The following COX18 variants were observed in gnomAD, a reference collection of about 807,000 sequenced individuals.
COX18 encodes the protein cytochrome c oxidase assembly factor COX18.
Under a neutral mutation model 38.0 loss-of-function variants are expected in COX18, and 45 were observed. The ratio of observed to expected loss-of-function variants is 1.18; its 90% confidence interval spans 0.93 to 1.52. The LOEUF (loss-of-function observed/expected upper bound fraction) is 1.52, where lower values mean the gene tolerates loss of function less well. COX18 is among the 40% of genes most tolerant of loss of function. The pLI is 0.00. For missense variants in COX18, 462 were observed against 423.8 expected (o/e 1.09, Z -0.79); for synonymous variants, 177 against 169.8 (o/e 1.04, Z -0.33).
intron 4 of COX18, among the ~76,000 whole-genome samples, chr4:73,063,048 T>C (rs376836054): frequency 6.6e-6 from 1 of 152,122 alleles, no homozygotes; most frequent in Non-Finnish European, 1.5e-5. Flanking sequence ...CTCACACCTG[T>C]AATTCCAGCA....
At chr4:73,058,694 C>A (rs2110046433) in intron 5 of COX18, among the ~76,000 whole-genome samples, 1 of 152,268 alleles carries the variant, frequency 6.6e-6, no homozygotes, top group Admixed American at 6.5e-5. Flanking sequence ...CTAATTTTCC[C>A]CATACAGTCA....
chr4:73,069,192 C>T (rs1720622602), intron 1 of COX18, 125 bp downstream of exon 1: 4 of 697,256 alleles, frequency 5.7e-6, no homozygotes, highest in Middle Eastern at 4.0e-4. Context: ...GAAATGGTCA[C>T]GATGATTAAA....
intron 1 of COX18, 101 bp downstream of exon 1, chr4:73,069,216 A>G: frequency 1.2e-6 from 1 of 855,670 alleles, no homozygotes; most frequent in Non-Finnish European, 1.8e-6. Flanking sequence ...TAAGCACTGC[A>G]GAAGGCAACA....
At chr4:73,067,985 TGTG>T in intron 2 of COX18, 41 bp downstream of exon 2, 1 of 1,030,978 alleles carries the variant, frequency 9.7e-7, no homozygotes. Context: ...TGTGTGTGTG[TGTG>T]TATGTGTGCG....
intron 2 of COX18, 34 bp downstream of exon 2, chr4:73,067,995 T>A: frequency 1.6e-6 from 2 of 1,244,934 alleles, no homozygotes; most frequent in Non-Finnish European, 2.4e-6. Context: ...TGTGTATGTG[T>A]GCGTATGGTC....
rs1209578345 is a variant in COX18, at chr4:73,052,729, T to G, written c.*5385A>C. ...TGCATTGTTTTACACCATATTTACA[T>G]GAAGATTTAGCTTTAATACAGAAAT... On this transcript the variant is annotated 3_prime_UTR_variant, in exon 6 of 6. Transcript: ENST00000507544. 6.6e-6 allele frequency: 1 copy of G among 152,226 alleles called. No individual in the cohort carries two copies. The highest frequency in any genetic ancestry group is 1.5e-5 in the Non-Finnish European group (1 of 68,048). The allele number at this position is 152,226 out of a possible 1,614,324, so 9.4% of individuals were successfully genotyped here. A position where few individuals can be genotyped will look rare whatever the true frequency, so the allele number is the denominator to read the frequency against.
rs1261051038 is a variant in COX18 at position 73,057,176 on chromosome 4, C to T, written c.*938G>A. On this transcript the variant is annotated 3_prime_UTR_variant, in exon 6 of 6. Transcript: ENST00000507544. The stretch of plus-strand genomic sequence containing the variant: ...GTGAGGTGGCTCATGCCTGTAATCC[C>T]AGCACTATGGGAGGCCAAGGAGGGT... The T allele has an allele frequency of 1.3e-5, 2 of 151,098 alleles. No homozygotes were observed. Among genetic ancestry groups the T allele is most frequent in the Non-Finnish European group, 2.9e-5 (2 of 67,936 alleles). The allele number at this position is 151,098 out of a possible 1,614,324, so 9.4% of individuals were successfully genotyped here.
Position 73,058,053 on chromosome 4 carries a change from G to C in COX18, c.*61C>G. ...AATCAAGTAACATCTGAATTTCTAA[G>C]TCTAAATACATTTAGATGATAGTGA... On this transcript the variant is annotated 3_prime_UTR_variant, in exon 6 of 6. Coordinates refer to ENST00000507544, the MANE Select transcript of COX18 (RefSeq NM_001297732.2). 2 of 1,087,508 alleles carry C rather than the reference G, an allele frequency of 1.8e-6. No homozygotes were observed. The highest frequency in any genetic ancestry group is 3.0e-5 in the South Asian group (2 of 65,672). 67.4% of individuals were successfully genotyped at this position (1,087,508 alleles called of 1,614,324 possible). A position where few individuals can be genotyped will look rare whatever the true frequency, so the allele number is the denominator to read the frequency against.
intron 5 of COX18, among the ~76,000 whole-genome samples, chr4:73,058,796 T>C (rs1720015743): frequency 6.6e-6 from 1 of 152,194 alleles, no homozygotes; most frequent in Admixed American, 6.5e-5. Flanking sequence ...AGCCTCAGCA[T>C]TATCTCCAAA....
intron 4 of COX18, among the ~76,000 whole-genome samples, chr4:73,062,499 A>G (rs1259157129): frequency 3.9e-5 from 6 of 152,216 alleles, no homozygotes; most frequent in Admixed American, 2.0e-4. Context: ...CCACTTAACA[A>G]TGATTTATAT....
chr4:73,064,223 G>A (rs527900506), intron 4 of COX18, among the ~76,000 whole-genome samples: 46 of 150,590 alleles, frequency 3.1e-4, no homozygotes, highest in African/African-American at 9.0e-4. Flanking sequence ...ATTACACTCC[G>A]GCCTGGGCAA....
rs187930178 is a variant in COX18 at position 73,069,640 on chromosome 4, G to A, written c.10C>T (p.Arg4Trp). The change falls in exon 1 of 6, where the codon CGG (arginine) becomes TGG (tryptophan). Residue 4 changes from arginine (R) to tryptophan (W), a missense_variant. Transcript: ENST00000507544. MLCRLGGRWLRPLP... is the reference protein window; with the variant it reads MLCWLGGRWLRPLP... ...GGCCGCAGCCACCGACCGCCGAGCC[G>A]GCACAGCATTTCTGCACCACGGCGG... 1.1e-3 allele frequency: 1,738 copies of A among 1,549,450 alleles called. 6 individuals carry two copies. Among genetic ancestry groups the A allele is most frequent in the Non-Finnish European group, 1.1e-3 (1,216 of 1,152,662 alleles).
chr4:73,063,116 C>A (rs1720258783), intron 4 of COX18, among the ~76,000 whole-genome samples: 2 of 151,998 alleles, frequency 1.3e-5, no homozygotes, highest in Non-Finnish European at 2.9e-5. Flanking sequence ...ACCAGCCTGG[C>A]CAACATGGTA....
chr4:73,052,797 A>G lies in COX18; in HGVS notation c.*5317T>C, dbSNP rs942808874. ...TTCAGATGTTATGCCTGAAATTCCA[A>G]AGTCTGCATTCTGTAGTAGCTGCAG... On this transcript the variant is annotated 3_prime_UTR_variant, in exon 6 of 6. Coordinates refer to ENST00000507544, the MANE Select transcript of COX18 (RefSeq NM_001297732.2). The G allele has an allele frequency of 2.0e-5, 3 of 152,166 alleles. No individual in the cohort carries two copies. The highest frequency in any genetic ancestry group is 7.2e-5 in the African/African-American group (3 of 41,440). 9.4% of individuals were successfully genotyped at this position (152,166 alleles called of 1,614,324 possible).
intron 2 of COX18, among the ~76,000 whole-genome samples, 165 bp downstream of exon 2, chr4:73,067,864 A>AAAAAAAATATAAATAT: frequency 1.0e-4 from 2 of 20,024 alleles, no homozygotes; most frequent in Non-Finnish European, 3.1e-4. Context: ...AAAAAAAAAA[A>AAAAAAAATATAAATAT]ATATATATAT....
chr4:73,064,229 G>C (rs2110055578), intron 4 of COX18, among the ~76,000 whole-genome samples: 1 of 149,172 alleles, frequency 6.7e-6, no homozygotes, highest in South Asian at 2.1e-4. Context: ...CTCCGGCCTG[G>C]GCAACAAGAG....
rs766870732 is a variant in COX18, at chr4:73,061,898, C to A, written c.746G>T (p.Gly249Val). ...IVEICALQKI[G>V]MSRFQTYITY... ...AATATACGTCTGAAAACGAGACATT[C>A]CAATTTTTTGTAGAGCACAAATCTG... The change falls in exon 5 of 6, where the codon GGA becomes GTA. Residue 249 changes from glycine (G) to valine (V), a missense_variant. By Grantham distance (109) the Gly-to-Val change is moderately radical (BLOSUM62 -3). Transcript: ENST00000507544. 3 of 1,611,364 alleles carry A rather than the reference C, an allele frequency of 1.9e-6. No homozygotes were observed. The highest frequency in any genetic ancestry group is 1.7e-4 in the Middle Eastern group (1 of 6,048).
At position 73,061,802 on chromosome 4, in the gene COX18, T is replaced by C. The variant is rs775369832; in HGVS notation, c.831+11A>G. 14 of 1,521,994 alleles carry C rather than the reference T, an allele frequency of 9.2e-6. No individual in the cohort carries two copies. In the South Asian group the frequency reaches 1.6e-4, roughly 17 times the overall value. The allele number at this position is 1,521,994 out of a possible 1,614,324, so 94.3% of individuals were successfully genotyped here. A position where few individuals can be genotyped will look rare whatever the true frequency, so the allele number is the denominator to read the frequency against. ...TAGCACATGCTACACACAATATTGGTGCTTACTCACTGAGGGTACCGTTGC... is the reference window on the plus strand; with the variant it reads ...TAGCACATGCTACACACAATATTGGCGCTTACTCACTGAGGGTACCGTTGC... On this transcript the variant is annotated intron_variant, in intron 5 of 5. Coordinates refer to ENST00000507544, the MANE Select transcript of COX18 (RefSeq NM_001297732.2).
At chr4:73,067,864 A>AAATATATAT in intron 2 of COX18, among the ~76,000 whole-genome samples, 165 bp downstream of exon 2, 1 of 20,024 alleles carries the variant, frequency 5.0e-5, no homozygotes, top group African/African-American at 9.1e-5. Flanking sequence ...AAAAAAAAAA[A>AAATATATAT]ATATATATAT....
Sources: allele counts gnomAD v4.1 joint callset (sites outside exome capture counted in the v4.1 genomes callset), GRCh38; gene constraint gnomAD v4.1.1; transcripts MANE v1.5; gene names NCBI Gene and HGNC (gene_info 2026-07-23, HGNC 2026-07-21).